Variants in CFAP99 observed in about 807,000 individuals in gnomAD.
CFAP99 encodes cilia- and flagella-associated protein 99.
CFAP99 carries 84 observed loss-of-function variants against 82.7 expected under a neutral mutation model. That is an observed-to-expected ratio of 1.02 (90% CI 0.85 to 1.22). The LOEUF (loss-of-function observed/expected upper bound fraction) is 1.22. Among genes scored for constraint, CFAP99 ranks in the 50% most tolerant of loss-of-function variants. The pLI is 0.00. For missense variants in CFAP99, 1,059 were observed against 983.5 expected (o/e 1.08, Z -1.03); for synonymous variants, 456 against 429.5 (o/e 1.06, Z -0.76).
chr4:2,455,862 TC>T (rs1397230067), intron 11 of CFAP99, among the ~76,000 whole-genome samples: 2 of 152,246 alleles, frequency 1.3e-5, no homozygotes, highest in Non-Finnish European at 2.9e-5. Context: ...TTTTAGTTTT[TC>T]TTATGCAGTT....
At chr4:2,449,967 C>T (rs3108494) in exon 8 of CFAP99, 149,471 of 1,536,086 alleles carry the variant, frequency 0.097, 8,180 homozygotes, top group South Asian at 0.15. Context: ...CGAGGAACTG[C>T]GCTGCGCCAT....
At chr4:2,439,525 G>A (rs965302678) in intron 4 of CFAP99, among the ~76,000 whole-genome samples, 10 of 152,154 alleles carry the variant, frequency 6.6e-5, no homozygotes, top group East Asian at 1.9e-4. Flanking sequence ...TGGGACCGGC[G>A]GCTCACACAG....
chr4:2,431,904 C>T (rs929804151), intron 2 of CFAP99, among the ~76,000 whole-genome samples: 1 of 152,122 alleles, frequency 6.6e-6, no homozygotes, highest in South Asian at 2.1e-4. Flanking sequence ...TTATAATCAT[C>T]GTTTCTCTTG....
At chr4:2,458,491 C>A (rs1333508239) in intron 11 of CFAP99, among the ~76,000 whole-genome samples, 1 of 152,120 alleles carries the variant, frequency 6.6e-6, no homozygotes, top group Non-Finnish European at 1.5e-5. Flanking sequence ...AGGAAGGTTC[C>A]CCCCAAGACC....
intron 4 of CFAP99, among the ~76,000 whole-genome samples, 161 bp downstream of exon 4, chr4:2,438,325 C>T (rs1371699919): frequency 2.0e-5 from 3 of 152,158 alleles, no homozygotes; most frequent in Non-Finnish European, 2.9e-5. Context: ...GGCAGTGGCG[C>T]GATCTCAGCT....
intron 14 of CFAP99, among the ~76,000 whole-genome samples, chr4:2,461,996 A>T (rs1325423793): frequency 2.1e-5 from 3 of 143,958 alleles, no homozygotes; most frequent in East Asian, 2.0e-4. Flanking sequence ...TGTTAAGTTT[A>T]AAAAAAAAAA....
chr4:2,452,265 G>C (rs1342115025), exon 11 of CFAP99: 1 of 1,536,036 alleles, frequency 6.5e-7, no homozygotes. Context: ...TGCAAGGGAA[G>C]CTTAGCCATG....
At chr4:2,436,739 C>A in intron 2 of CFAP99, 135 bp from the exon 3 acceptor site, 1 of 689,186 alleles carries the variant, frequency 1.5e-6, no homozygotes, top group South Asian at 1.9e-5. Context: ...TGCCAGCTGC[C>A]TTGGGGGCCC....
intron 13 of CFAP99, 120 bp downstream of exon 13, chr4:2,459,378 T>A: frequency 8.3e-7 from 1 of 1,206,630 alleles, no homozygotes; most frequent in Non-Finnish European, 1.1e-6. Context: ...ACCTGAAACC[T>A]GGCCCGCCAC....
At chr4:2,452,918 C>T (rs1195998597) in intron 11 of CFAP99, among the ~76,000 whole-genome samples, 1 of 152,044 alleles carries the variant, frequency 6.6e-6, no homozygotes, top group Non-Finnish European at 1.5e-5. Flanking sequence ...CAAAAATTAG[C>T]CGGGCATGGT....
chr4:2,419,695 T>C (rs1165887869), intron 1 of CFAP99, among the ~76,000 whole-genome samples: 1 of 152,190 alleles, frequency 6.6e-6, no homozygotes, highest in African/African-American at 2.4e-5. Context: ...GTGGGCTCCA[T>C]GACCACTTTA....
chr4:2,421,984 G>A (rs1489703204), intron 1 of CFAP99, among the ~76,000 whole-genome samples: 2 of 152,154 alleles, frequency 1.3e-5, no homozygotes, highest in African/African-American at 4.8e-5. Context: ...TTGAGCTGCA[G>A]TGAGTTATCA....
intron 4 of CFAP99, among the ~76,000 whole-genome samples, 152 bp downstream of exon 4, chr4:2,438,316 G>A (rs1733963707): frequency 6.6e-6 from 1 of 152,184 alleles, no homozygotes; most frequent in Non-Finnish European, 1.5e-5. Flanking sequence ...AGGCTGGAGG[G>A]CAGTGGCGCG....
intron 2 of CFAP99, among the ~76,000 whole-genome samples, chr4:2,436,044 G>A (rs542791672): frequency 1.2e-3 from 185 of 151,204 alleles, no homozygotes; most frequent in African/African-American, 4.2e-3. Flanking sequence ...CTGCACTCCA[G>A]CCTGGACGAC....
At chr4:2,451,118 C>G in intron 9 of CFAP99, 100 bp downstream of exon 9, 1 of 1,454,592 alleles carries the variant, frequency 6.9e-7, no homozygotes, top group East Asian at 2.5e-5. Flanking sequence ...GCTGGGGGAC[C>G]TAGAGTCCCA....
At chr4:2,457,409 C>A (rs1734462684) in intron 11 of CFAP99, among the ~76,000 whole-genome samples, 1 of 152,210 alleles carries the variant, frequency 6.6e-6, no homozygotes, top group African/African-American at 2.4e-5. Context: ...TTGGTGCGAG[C>A]TCAGCGAGCA....
intron 11 of CFAP99, among the ~76,000 whole-genome samples, chr4:2,455,123 C>T (rs1343753070): frequency 6.6e-6 from 1 of 152,270 alleles, no homozygotes; most frequent in Non-Finnish European, 1.5e-5. Context: ...TGGTCTCTAA[C>T]TCCGGGGCTC....
intron 6 of CFAP99, among the ~76,000 whole-genome samples, chr4:2,447,949 ATGG>A (rs1485748768): frequency 1.3e-5 from 2 of 148,812 alleles, no homozygotes; most frequent in Admixed American, 6.6e-5. Flanking sequence ...GGATGGATGG[ATGG>A]ATGGATGGAT....
intron 11 of CFAP99, among the ~76,000 whole-genome samples, chr4:2,457,394 C>T (rs1432774763): frequency 1.3e-5 from 2 of 152,234 alleles, no homozygotes; most frequent in African/African-American, 4.8e-5. Flanking sequence ...ACTGAAAGTT[C>T]GGACTTGGTG....
Sources: allele counts gnomAD v4.1 joint callset (sites outside exome capture counted in the v4.1 genomes callset), GRCh38; gene constraint gnomAD v4.1.1; transcripts MANE v1.5; gene names NCBI Gene and HGNC (gene_info 2026-07-23, HGNC 2026-07-21).